Variants in CDC123 observed in about 807,000 individuals in gnomAD.
The protein encoded by CDC123 is translation initiation factor eIF2 assembly protein.
Under a neutral mutation model 54.4 loss-of-function variants are expected in CDC123, and 37 were observed. The ratio of observed to expected loss-of-function variants is 0.68; its 90% confidence interval spans 0.52 to 0.89. The LOEUF is 0.89. Ranked by LOEUF, CDC123 falls within the 40% of genes least tolerant of loss-of-function variation. CDC123 has a pLI of 0.00. For synonymous variants in CDC123, 144 were observed against 136.8 expected (o/e 1.05, Z -0.37); for missense variants, 361 against 412.1 (o/e 0.88, Z 1.07).
chr10:12,238,770 A>G (rs780568665), intron 10 of CDC123, among the ~76,000 whole-genome samples: 3 of 152,156 alleles, frequency 2.0e-5, no homozygotes, highest in Non-Finnish European at 2.9e-5. Flanking sequence ...CTGTAACCCC[A>G]GCACTTTGGG....
At chr10:12,228,467 G>T (rs1257378427) in intron 6 of CDC123, among the ~76,000 whole-genome samples, 1 of 151,038 alleles carries the variant, frequency 6.6e-6, no homozygotes, top group African/African-American at 2.4e-5. Flanking sequence ...GTGCAGTGGC[G>T]CAATCTCGGC....
At chr10:12,244,508 C>A (rs1451720512) in intron 10 of CDC123, among the ~76,000 whole-genome samples, 1 of 152,206 alleles carries the variant, frequency 6.6e-6, no homozygotes, top group Non-Finnish European at 1.5e-5. Flanking sequence ...GAGGCCCCAG[C>A]CCTACCTCAG....
intron 7 of CDC123, among the ~76,000 whole-genome samples, chr10:12,231,581 C>T (rs1427712009): frequency 1.4e-5 from 2 of 144,566 alleles, no homozygotes; most frequent in South Asian, 2.2e-4. Flanking sequence ...GCTGAGATGG[C>T]GCCATTGCAC....
chr10:12,224,038 A>T (rs1283877456), intron 6 of CDC123, among the ~76,000 whole-genome samples: 1 of 152,024 alleles, frequency 6.6e-6, no homozygotes, highest in African/African-American at 2.4e-5. Context: ...CCTGAGTCCC[A>T]GAAGTCCAGT....
At chr10:12,198,299 C>T (rs1007012484) in intron 1 of CDC123, among the ~76,000 whole-genome samples, 3 of 152,178 alleles carry the variant, frequency 2.0e-5, no homozygotes, top group Non-Finnish European at 4.4e-5. Flanking sequence ...TCTACTTCTG[C>T]CCTCTATCTT....
chr10:12,238,574 C>A, intron 10 of CDC123, 89 bp downstream of exon 10: 1 of 1,476,878 alleles, frequency 6.8e-7, no homozygotes, highest in Non-Finnish European at 9.2e-7. Context: ...TGTGAAGGAT[C>A]CATGCTCAAA....
intron 1 of CDC123, 116 bp downstream of exon 1, chr10:12,196,435 G>A: frequency 7.5e-7 from 1 of 1,332,156 alleles, no homozygotes; most frequent in Non-Finnish European, 1.1e-6. Flanking sequence ...GGGAGGGAGT[G>A]TGTCGAGAGG....
intron 7 of CDC123, among the ~76,000 whole-genome samples, chr10:12,233,315 A>ACACACACACACACACT (rs778520834): frequency 1.6e-5 from 2 of 125,872 alleles, no homozygotes; most frequent in Non-Finnish European, 3.5e-5. Flanking sequence ...ACACACACAC[A>ACACACACACACACACT]CTCTCTGTCT....
chr10:12,237,861 A>G (rs759392987), intron 9 of CDC123, among the ~76,000 whole-genome samples: 5 of 152,242 alleles, frequency 3.3e-5, no homozygotes, highest in Non-Finnish European at 7.3e-5. Flanking sequence ...CTACCTTTCT[A>G]GCTTCTTTGA....
chr10:12,239,491 T>TC (rs1228618477), intron 10 of CDC123, among the ~76,000 whole-genome samples: 1 of 151,914 alleles, frequency 6.6e-6, no homozygotes, highest in Non-Finnish European at 1.5e-5. Flanking sequence ...GGCGGGCAGA[T>TC]CACCTGAGGT....
At chr10:12,198,548 C>A (rs1019673917) in intron 1 of CDC123, among the ~76,000 whole-genome samples, 157 bp from the exon 2 acceptor site, 1 of 152,120 alleles carries the variant, frequency 6.6e-6, no homozygotes, top group African/African-American at 2.4e-5. Flanking sequence ...TCTTATTATT[C>A]TGATTTCTTG....
intron 4 of CDC123, among the ~76,000 whole-genome samples, chr10:12,215,165 A>T (rs1223118513): frequency 6.6e-6 from 1 of 152,250 alleles, no homozygotes; most frequent in Non-Finnish European, 1.5e-5. Flanking sequence ...TCCAAACAGG[A>T]AAGAACGTTT....
chr10:12,234,750 A>ATTT (rs968508731), intron 7 of CDC123, among the ~76,000 whole-genome samples: 1 of 133,932 alleles, frequency 7.5e-6, no homozygotes, highest in Non-Finnish European at 1.6e-5. Flanking sequence ...CATGTGAAGA[A>ATTT]TTTTTTTTTT....
intron 1 of CDC123, among the ~76,000 whole-genome samples, chr10:12,198,221 C>T (rs958552878): frequency 2.0e-5 from 3 of 152,148 alleles, no homozygotes; most frequent in African/African-American, 7.2e-5. Context: ...AAGACACATC[C>T]AAAAGTATCA....
intron 2 of CDC123, among the ~76,000 whole-genome samples, chr10:12,205,358 T>C (rs1167317624): frequency 1.3e-5 from 2 of 152,212 alleles, no homozygotes; most frequent in Non-Finnish European, 2.9e-5. Flanking sequence ...ATCTTAGCTA[T>C]TGTAAACAGT....
At chr10:12,244,499 AG>A (rs2131769547) in intron 10 of CDC123, among the ~76,000 whole-genome samples, 1 of 152,262 alleles carries the variant, frequency 6.6e-6, no homozygotes, top group South Asian at 2.1e-4. Context: ...TTCTGCTCAG[AG>A]GCCCCAGCCC....
intron 2 of CDC123, among the ~76,000 whole-genome samples, chr10:12,202,840 C>T (rs1275707563): frequency 6.6e-6 from 1 of 152,102 alleles, no homozygotes; most frequent in Non-Finnish European, 1.5e-5. Context: ...CATGGCGAAA[C>T]CACATCTCTA....
chr10:12,237,049 T>C lies in CDC123; in HGVS notation c.566-95T>C, dbSNP rs77676977. 1.1e-3 allele frequency: 1,569 copies of C among 1,379,178 alleles called. 19 individuals carry two copies. The African/African-American group carries it at 0.021, about 18-fold the overall frequency. 85.4% of individuals were successfully genotyped at this position (1,379,178 alleles called of 1,614,324 possible). ...CCATCAGGGTGATCTTCTAATCTACTTTAATGGTTCTTTCCACAAAATGTT... is the reference window on the plus strand; with the variant it reads ...CCATCAGGGTGATCTTCTAATCTACCTTAATGGTTCTTTCCACAAAATGTT... On this transcript the variant is annotated intron_variant, in intron 8 of 12. Transcript: ENST00000281141.
intron 11 of CDC123, among the ~76,000 whole-genome samples, chr10:12,248,473 T>C (rs1428687348): frequency 1.4e-5 from 2 of 147,758 alleles, no homozygotes; most frequent in Non-Finnish European, 3.0e-5. Flanking sequence ...GATCACGCCA[T>C]TGCACTCCAG....
Sources: gnomAD v4.1 joint callset for allele counts (sites outside exome capture counted in the v4.1 genomes callset) on GRCh38, gnomAD v4.1.1 for gene constraint, MANE v1.5 for transcripts, NCBI Gene and HGNC (gene_info 2026-07-23, HGNC 2026-07-21) for gene names.